The following INSC variants were observed in gnomAD, a reference collection of about 807,000 sequenced individuals.
The protein encoded by INSC is INSC spindle orientation adaptor protein, also known as protein inscuteable homolog.
INSC carries 67 observed loss-of-function variants against 58.6 expected under a neutral mutation model. That is an observed-to-expected ratio of 1.14 (90% CI 0.94 to 1.40). The LOEUF (loss-of-function observed/expected upper bound fraction) is 1.40. Among genes scored for constraint, INSC ranks in the 40% most tolerant of loss-of-function variants. The probability of loss-of-function intolerance (pLI) is 0.00; values close to 1 mark genes in which losing one functional copy is unlikely to be tolerated. For missense variants in INSC, 714 were observed against 692.0 expected (o/e 1.03, Z -0.36); for synonymous variants, 262 against 276.1 (o/e 0.95, Z 0.51).
intron 1 of INSC, among the ~76,000 whole-genome samples, chr11:15,118,054 T>A (rs780954115): frequency 3.9e-5 from 6 of 152,192 alleles, no homozygotes; most frequent in Non-Finnish European, 7.3e-5. Flanking sequence ...CATGTGACCC[T>A]GCCCAACTCA....
At chr11:15,127,309 C>T (rs1462213314) in intron 1 of INSC, among the ~76,000 whole-genome samples, 3 of 152,226 alleles carry the variant, frequency 2.0e-5, no homozygotes, top group South Asian at 2.1e-4. Flanking sequence ...ACAGCCTCTC[C>T]GTGCAGTCTG....
intron 1 of INSC, among the ~76,000 whole-genome samples, chr11:15,126,345 G>A (rs1847994735): frequency 6.6e-6 from 1 of 152,196 alleles, no homozygotes; most frequent in South Asian, 2.1e-4. Flanking sequence ...AGCAGGATAT[G>A]GTAGTGGCAG....
intron 10 of INSC, among the ~76,000 whole-genome samples, chr11:15,237,791 T>C (rs1227458821): frequency 6.6e-6 from 1 of 152,158 alleles, no homozygotes; most frequent in Non-Finnish European, 1.5e-5. Context: ...AAGAAGGAAC[T>C]CATAATAAGC....
At chr11:15,225,604 G>A (rs1851602252) in intron 8 of INSC, 46 bp from the exon 9 acceptor site, 1 of 1,568,630 alleles carries the variant, frequency 6.4e-7, no homozygotes, top group Non-Finnish European at 8.7e-7. Flanking sequence ...CAAGTGATAT[G>A]AAAACACTTG....
Position 15,200,912 on chromosome 11 carries a change from T to A in INSC, c.782T>A (p.Ile261Asn), listed in dbSNP as rs1288614154. The change falls in exon 7 of 13, where the codon ATC (isoleucine) becomes AAC (asparagine). Residue 261 changes from isoleucine (I) to asparagine (N), a missense_variant. Transcript: ENST00000379556. ...YPQALRTLASICCVEEGVHQL... is the reference protein window; with the variant it reads ...YPQALRTLASNCCVEEGVHQL... ...CAGGCGCTCCGCACGCTGGCCTCCA[T>A]CTGCTGCGTGGAAGAGGGTGTCCAC... The A allele has an allele frequency of 6.2e-7, 1 of 1,612,902 alleles. No homozygotes were observed. The highest frequency in any genetic ancestry group is 1.7e-5 in the Admixed American group (1 of 59,926).
rs1262671531 is a variant in INSC at position 15,223,174 on chromosome 11, AAAGAT to A, written c.991+1531_991+1535del. 1.4e-4 allele frequency among the ~76,000 whole-genome samples: 22 copies of A among 152,378 alleles called. 2 individuals carry two copies. Among genetic ancestry groups the A allele is most frequent in the Admixed American group, 1.3e-3 (20 of 15,310 alleles). The stretch of plus-strand genomic sequence containing the variant: ...CCATGTGGGAAAGGCATAGACTTTT[AAAGAT>A]AAGACAAAAATTGTAAACTTCATAG... On this transcript the variant is annotated intron_variant, in intron 8 of 12. Coordinates refer to ENST00000379556, the MANE Select transcript of INSC (RefSeq NM_001042536.3).
At chr11:15,263,630 G>T in the INSC span, among the ~76,000 whole-genome samples, 3 of 152,196 alleles carry the variant, frequency 2.0e-5, no homozygotes, top group Admixed American at 1.3e-4. Flanking sequence ...AAAATTTTCA[G>T]CTTAAAAACA....
intron 5 of INSC, among the ~76,000 whole-genome samples, chr11:15,180,343 G>A (rs1271921856): frequency 6.6e-6 from 1 of 152,096 alleles, no homozygotes; most frequent in Non-Finnish European, 1.5e-5. Context: ...AAAGCCAGCT[G>A]GGTTTGGAAT....
intron 9 of INSC, among the ~76,000 whole-genome samples, chr11:15,229,999 A>ATAATATTATATATATAT (rs1564917607): frequency 5.5e-4 from 14 of 25,636 alleles, no homozygotes; most frequent in African/African-American, 1.9e-3. Context: ...ATATATATAT[A>ATAATATTATATATATAT]TATATATATA....
At chr11:15,229,626 C>A (rs773518534) in intron 9 of INSC, among the ~76,000 whole-genome samples, 3 of 151,808 alleles carry the variant, frequency 2.0e-5, no homozygotes, top group Non-Finnish European at 4.4e-5. Context: ...TACTTAGAAG[C>A]AAAGCGAATA....
At chr11:15,137,785 T>G (rs1848279763) in intron 1 of INSC, among the ~76,000 whole-genome samples, 4 of 152,224 alleles carry the variant, frequency 2.6e-5, no homozygotes, top group Admixed American at 2.6e-4. Context: ...ATAGGCTGTC[T>G]TGCTTTTTTG....
At chr11:15,142,195 G>A (rs1210522951) in intron 1 of INSC, among the ~76,000 whole-genome samples, 1 of 152,122 alleles carries the variant, frequency 6.6e-6, no homozygotes, top group Non-Finnish European at 1.5e-5. Flanking sequence ...CTCCATTTGA[G>A]GGCCAGCTCA....
At chr11:15,157,772 T>C (rs1848866728) in intron 2 of INSC, among the ~76,000 whole-genome samples, 1 of 152,130 alleles carries the variant, frequency 6.6e-6, no homozygotes, top group South Asian at 2.1e-4. Context: ...TGGCTGGTAT[T>C]AGATGGGCTT....
At chr11:15,123,229 A>G (rs1182934684) in intron 1 of INSC, among the ~76,000 whole-genome samples, 1 of 152,232 alleles carries the variant, frequency 6.6e-6, no homozygotes, top group African/African-American at 2.4e-5. Context: ...ATAAAGTTTT[A>G]AAACATGTGC....
the INSC span, among the ~76,000 whole-genome samples, chr11:15,258,974 T>G: frequency 6.6e-6 from 1 of 152,164 alleles, no homozygotes; most frequent in Non-Finnish European, 1.5e-5. Context: ...AACAAGGTCT[T>G]TGTTTTCAGG....
At chr11:15,203,954 G>A (rs891393331) in intron 7 of INSC, among the ~76,000 whole-genome samples, 1 of 152,092 alleles carries the variant, frequency 6.6e-6, no homozygotes, top group Non-Finnish European at 1.5e-5. Context: ...TTGTTTGTTT[G>A]GGTGTTCTCT....
intron 12 of INSC, among the ~76,000 whole-genome samples, chr11:15,244,367 T>C (rs1852480557): frequency 6.6e-6 from 1 of 152,176 alleles, no homozygotes; most frequent in African/African-American, 2.4e-5. Flanking sequence ...TGCTCATTAA[T>C]GCACAGAGAC....
At chr11:15,122,582 G>A (rs569746618) in intron 1 of INSC, among the ~76,000 whole-genome samples, 7 of 152,274 alleles carry the variant, frequency 4.6e-5, no homozygotes, top group Non-Finnish European at 7.4e-5. Flanking sequence ...TGACTCCTTC[G>A]TCTGGGTAGC....
At chr11:15,160,800 C>T (rs575696275) in intron 2 of INSC, among the ~76,000 whole-genome samples, 71 of 152,216 alleles carry the variant, frequency 4.7e-4, no homozygotes, top group Non-Finnish European at 7.8e-4. Context: ...TTTCTGAAAC[C>T]GAAATAACAA....
Sources: allele counts gnomAD v4.1 joint callset (sites outside exome capture counted in the v4.1 genomes callset), GRCh38; gene constraint gnomAD v4.1.1; transcripts MANE v1.5; gene names NCBI Gene and HGNC (gene_info 2026-07-23, HGNC 2026-07-21).